Variants in GBE1 observed in about 807,000 individuals in gnomAD.
The protein encoded by GBE1 is 1,4-alpha-glucan branching enzyme 1.
In GBE1, 70 loss-of-function variants were observed where a neutral mutation model predicts 88.8. That is an observed-to-expected ratio of 0.79 (90% CI 0.65 to 0.96). The LOEUF is 0.96. GBE1 is among the 40% of genes least tolerant of loss of function. The probability of loss-of-function intolerance (pLI) is 0.00; values close to 1 mark genes in which losing one functional copy is unlikely to be tolerated. For synonymous variants in GBE1, 284 were observed against 300.1 expected, an observed-to-expected ratio of 0.95 and a Z score of 0.56; for missense variants, 872 against 871.0, an observed-to-expected ratio of 1.00 and a Z score of -0.01.
intron 3 of GBE1, among the ~76,000 whole-genome samples, chr3:81,666,628 G>A (rs1705117372): frequency 6.6e-6 from 1 of 152,092 alleles, no homozygotes. Context: ...TGTAAGTTCA[G>A]GAAACTATGT....
chr3:81,546,318 A>G (rs1159008476), intron 12 of GBE1, among the ~76,000 whole-genome samples: 3 of 152,124 alleles, frequency 2.0e-5, no homozygotes, highest in Non-Finnish European at 4.4e-5. Context: ...AACAGTCCTG[A>G]TGAGAATATT....
chr3:81,591,224 C>A, intron 8 of GBE1, 60 bp from the exon 9 acceptor site: 4 of 1,249,302 alleles, frequency 3.2e-6, no homozygotes, highest in Non-Finnish European at 4.4e-6. Flanking sequence ...TAACTCTGCA[C>A]AAATACATTC....
chr3:81,529,429 T>C (rs1341367465), intron 14 of GBE1, among the ~76,000 whole-genome samples: 1 of 152,080 alleles, frequency 6.6e-6, no homozygotes, highest in Non-Finnish European at 1.5e-5. Context: ...TTATTTCTTA[T>C]TGCTTATTAA....
At chr3:81,514,534 G>A (rs1702768677) in intron 14 of GBE1, among the ~76,000 whole-genome samples, 1 of 151,570 alleles carries the variant, frequency 6.6e-6, no homozygotes, top group Admixed American at 6.6e-5. Flanking sequence ...TAGAATTAGA[G>A]ATGGTTCTTA....
chr3:81,564,918 G>C (rs556707329), intron 12 of GBE1, among the ~76,000 whole-genome samples: 9 of 152,242 alleles, frequency 5.9e-5, no homozygotes, highest in African/African-American at 1.7e-4. Context: ...ACTACTGCCA[G>C]AGCCTTACAC....
chr3:81,711,309 G>C (rs987681296), intron 1 of GBE1, among the ~76,000 whole-genome samples: 1 of 152,104 alleles, frequency 6.6e-6, no homozygotes, highest in Non-Finnish European at 1.5e-5. Context: ...TGGATTAGAA[G>C]CAAGAAAAAG....
Position 81,733,534 on chromosome 3 carries a change from G to A in GBE1, c.143+27841C>T, listed in dbSNP as rs1454844805. On this transcript the variant is annotated intron_variant, in intron 1 of 15. Transcript: ENST00000429644. The surrounding 1 kb of genome is among the most constrained non-coding windows in gnomAD (Gnocchi z 4.0). ...GGACCCCTGCTCTTGGCAAACCCCT[G>A]TGTAGAGGCTTTTGCACTGGCCATT... 6.6e-6 allele frequency among the ~76,000 whole-genome samples: 1 copy of A among 151,710 alleles called. No individual in the cohort carries two copies. The highest frequency in any genetic ancestry group is 6.6e-5 in the Admixed American group (1 of 15,210).
intron 12 of GBE1, among the ~76,000 whole-genome samples, chr3:81,549,867 T>G (rs1466659580): frequency 1.3e-5 from 2 of 151,542 alleles, no homozygotes; most frequent in African/African-American, 4.8e-5. Context: ...AGAGAGAAAT[T>G]AAGTTTCAAG....
intron 1 of GBE1, among the ~76,000 whole-genome samples, chr3:81,744,970 T>G (rs1045229518): frequency 2.0e-5 from 3 of 152,218 alleles, no homozygotes; most frequent in African/African-American, 7.2e-5. Flanking sequence ...TATTATCCCC[T>G]TCCTTAATAG....
At chr3:81,602,525 G>A (rs1164791562) in intron 7 of GBE1, among the ~76,000 whole-genome samples, 4 of 152,150 alleles carry the variant, frequency 2.6e-5, no homozygotes, top group Non-Finnish European at 1.5e-5. Flanking sequence ...GAGTTGCAAA[G>A]TGCCCACTTC....
chr3:81,683,946 G>A (rs895322368), intron 2 of GBE1, among the ~76,000 whole-genome samples: 8 of 152,080 alleles, frequency 5.3e-5, no homozygotes, highest in African/African-American at 1.9e-4. Flanking sequence ...GAAATGAAGA[G>A]TCTTATTATG....
chr3:81,559,726 G>T, intron 12 of GBE1, among the ~76,000 whole-genome samples: 1 of 142,686 alleles, frequency 7.0e-6, no homozygotes, highest in East Asian at 2.2e-4. Context: ...TGCTCTGCCT[G>T]TATCAAGCAA....
intron 2 of GBE1, among the ~76,000 whole-genome samples, chr3:81,686,226 A>C (rs1215480159): frequency 6.6e-6 from 1 of 152,176 alleles, no homozygotes; most frequent in Non-Finnish European, 1.5e-5. Context: ...TGGGACAGAG[A>C]ATATGAAAGT....
intron 14 of GBE1, among the ~76,000 whole-genome samples, chr3:81,502,063 T>G (rs1282402750): frequency 6.6e-6 from 1 of 151,860 alleles, no homozygotes; most frequent in Non-Finnish European, 1.5e-5. Flanking sequence ...GACACAGAAT[T>G]AAATAATATT....
chr3:81,741,447 C>T (rs553334525), intron 1 of GBE1, among the ~76,000 whole-genome samples: 3 of 151,970 alleles, frequency 2.0e-5, no homozygotes, highest in South Asian at 4.2e-4. Flanking sequence ...CCACAAAATT[C>T]CCAAATGTCA....
chr3:81,706,064 C>A (rs186081668), intron 1 of GBE1, among the ~76,000 whole-genome samples: 212 of 152,154 alleles, frequency 1.4e-3, no homozygotes, highest in African/African-American at 4.8e-3. Context: ...GGGCAGACGG[C>A]AAATATTTTA....
intron 15 of GBE1, among the ~76,000 whole-genome samples, chr3:81,492,368 C>A (rs1047827822): frequency 6.6e-6 from 1 of 151,992 alleles, no homozygotes; most frequent in African/African-American, 2.4e-5. Flanking sequence ...GAGTTATCCA[C>A]GAATAAAGCA....
intron 1 of GBE1, among the ~76,000 whole-genome samples, chr3:81,717,186 T>C (rs1035926369): frequency 5.3e-5 from 8 of 152,216 alleles, no homozygotes; most frequent in African/African-American, 1.9e-4. Context: ...ACAGTCTTAG[T>C]CTACTGATTT....
intron 2 of GBE1, among the ~76,000 whole-genome samples, chr3:81,702,544 C>G (rs1705714942): frequency 6.6e-6 from 1 of 151,896 alleles, no homozygotes; most frequent in Non-Finnish European, 1.5e-5. Context: ...TTTCTTATCT[C>G]TTCAATAAAA....
Sources: gnomAD v4.1 joint callset for allele counts (sites outside exome capture counted in the v4.1 genomes callset) on GRCh38, gnomAD v4.1.1 for gene constraint, Gnocchi (gnomAD v3.1) non-coding constraint, MANE v1.5 for transcripts, NCBI Gene and HGNC (gene_info 2026-07-23, HGNC 2026-07-21) for gene names.